The following ABCC3 variants were observed in gnomAD, a reference collection of about 807,000 sequenced individuals.
ABCC3 encodes ATP-binding cassette sub-family C member 3.
Under a neutral mutation model 165.3 loss-of-function variants are expected in ABCC3, and 121 were observed. That is an observed-to-expected ratio of 0.73 (90% confidence interval 0.63 to 0.85). The LOEUF (loss-of-function observed/expected upper bound fraction) is 0.85, where lower values mean the gene tolerates loss of function less well. Ranked by LOEUF, ABCC3 falls within the 40% of genes least tolerant of loss-of-function variation. The probability of loss-of-function intolerance (pLI) is 0.00; values close to 1 mark genes in which losing one functional copy is unlikely to be tolerated. For missense variants in ABCC3, 1,869 were observed against 1,964.1 expected (o/e 0.95, Z 0.92); for synonymous variants, 733 against 810.1 (o/e 0.90, Z 1.62).
Position 50,659,286 on chromosome 17 carries a change from T to G in ABCC3, c.724T>G (p.Ser242Ala). 6.2e-7 allele frequency: 1 copy of G among 1,613,732 alleles called. No homozygotes were observed. The highest frequency in any genetic ancestry group is 8.5e-7 in the Non-Finnish European group (1 of 1,179,828). ...TCCCCTGGAGGAGAAGGACCTCTGG[T>G]CCCTAAAGGAAGAGGACAGATCCCA... Reference protein sequence around the residue: ...RHPLEEKDLWSLKEEDRSQMV... With the variant: ...RHPLEEKDLWALKEEDRSQMV... The change falls in exon 7 of 31, where the codon TCC becomes GCC. Residue 242 changes from serine (S) to alanine (A), a missense_variant. Coordinates refer to ENST00000285238, the MANE Select transcript of ABCC3 (RefSeq NM_003786.4).
intron 1 of ABCC3, chr17:50,635,813 T>A: frequency 1.8e-6 from 1 of 567,882 alleles, no homozygotes; most frequent in Non-Finnish European, 3.2e-6. Context: ...AGCCCAGGAG[T>A]TTTAGATTAC....
chr17:50,683,997 TG>T lies in ABCC3; in HGVS notation c.4004del (p.Cys1335SerfsTer32). On this transcript the variant is annotated frameshift_variant, in exon 28 of 31. Transcript: ENST00000285238. LOFTEE classifies it high-confidence loss of function. ...GGCTGGCAAGTCTTCCATGACCCTT[TG>T]CCTGTTCCGCATCCTGGAGGCGGCA... is the stretch of plus-strand genomic sequence containing the variant. ...TGAGKSSMTLCLFRILEAAKG... is the reference protein window; with the variant it reads ...TGAGKSSMTLXLFRILEAAKG... The T allele has an allele frequency of 6.2e-7, 1 of 1,613,626 alleles. No individual in the cohort carries two copies. Among genetic ancestry groups the T allele is most frequent in the Non-Finnish European group, 8.5e-7 (1 of 1,179,824 alleles).
intron 7 of ABCC3, among the ~76,000 whole-genome samples, chr17:50,660,234 G>T (rs1316511687): frequency 2.0e-5 from 3 of 152,148 alleles, no homozygotes; most frequent in Non-Finnish European, 4.4e-5. Flanking sequence ...ATCTTCCCCT[G>T]AGGGGTCTTC....
chr17:50,651,194 C>G (rs1312203574), intron 1 of ABCC3, among the ~76,000 whole-genome samples: 5 of 151,626 alleles, frequency 3.3e-5, no homozygotes, highest in African/African-American at 1.2e-4. Flanking sequence ...ACCATAATGT[C>G]TAGAAGCATG....
At chr17:50,681,203 G>A (rs1967921948) in intron 26 of ABCC3, among the ~76,000 whole-genome samples, 2 of 152,074 alleles carry the variant, frequency 1.3e-5, no homozygotes, top group South Asian at 4.2e-4. Context: ...GAATTCTGTT[G>A]AATAATCTCT....
intron 3 of ABCC3, 56 bp from the exon 4 acceptor site, chr17:50,656,990 G>C: frequency 1.3e-6 from 2 of 1,573,314 alleles, no homozygotes; most frequent in African/African-American, 1.4e-5. Flanking sequence ...GGGGAGAAAT[G>C]GAGGCAGGTC....
chr17:50,642,001 A>G (rs1164163614), intron 1 of ABCC3, among the ~76,000 whole-genome samples: 1 of 152,074 alleles, frequency 6.6e-6, no homozygotes, highest in Non-Finnish European at 1.5e-5. Context: ...GGGGAAAAAA[A>G]AAAAAAAAGA....
intron 1 of ABCC3, among the ~76,000 whole-genome samples, chr17:50,636,342 A>AT (rs986870211): frequency 2.6e-5 from 4 of 151,930 alleles, no homozygotes; most frequent in East Asian, 1.9e-4. Flanking sequence ...CGTTATATGG[A>AT]TTTTTTGAAA....
chr17:50,655,140 C>G (rs2023907), intron 1 of ABCC3, among the ~76,000 whole-genome samples: 138,597 of 138,628 alleles, frequency 1, 69,284 homozygotes, highest in Non-Finnish European at 1. Context: ...CAGGCGCAGC[C>G]GTCACGCCTG....
At chr17:50,687,404 C>A in intron 29 of ABCC3, 132 bp from the exon 30 acceptor site, 1 of 834,192 alleles carries the variant, frequency 1.2e-6, no homozygotes, top group Non-Finnish European at 1.9e-6. Flanking sequence ...GAGGGCTGGG[C>A]TGTGGCAGAA....
At chr17:50,671,056 C>G (rs544034239) in intron 17 of ABCC3, among the ~76,000 whole-genome samples, 1 of 151,962 alleles carries the variant, frequency 6.6e-6, no homozygotes, top group Non-Finnish European at 1.5e-5. Context: ...GAGTTCAAGG[C>G]CAGCCTTGCT....
At chr17:50,673,980 C>CTTTCCTTCCTTCCTTTCTTTCTT (rs1967725765) in intron 19 of ABCC3, among the ~76,000 whole-genome samples, 1 of 9,412 alleles carries the variant, frequency 1.1e-4, no homozygotes, top group Admixed American at 1.3e-3. Context: ...TTCTTTCTTT[C>CTTTCCTTCCTTCCTTTCTTTCTT]TCTCTCTCTC....
Position 50,691,548 on chromosome 17 carries a change from G to A in ABCC3, c.*348G>A, listed in dbSNP as rs971550678. On this transcript the variant is annotated 3_prime_UTR_variant, in exon 31 of 31. Transcript: ENST00000285238. ...GATTTTTCATATTTTCTAAAGTTTC[G>A]TTTCTGTTTTTTAATAAAAAGCTTT... The A allele has an allele frequency of 2.0e-5, 4 of 198,708 alleles. No individual in the cohort carries two copies. The highest frequency in any genetic ancestry group is 1.3e-4 in the East Asian group (1 of 7,970). The allele number at this position is 198,708 out of a possible 1,614,324, so 12.3% of individuals were successfully genotyped here.
intron 4 of ABCC3, 127 bp downstream of exon 4, chr17:50,657,310 T>C: frequency 7.9e-7 from 1 of 1,265,128 alleles, no homozygotes; most frequent in East Asian, 2.4e-5. Context: ...AATTGTGTTG[T>C]TCTCCACTTG....
In ABCC3 at chr17:50,688,894, C is replaced by A. The variant is rs568559148; in HGVS notation, c.4475+1164C>A. On this transcript the variant is annotated intron_variant, in intron 30 of 30. Coordinates refer to ENST00000285238, the MANE Select transcript of ABCC3 (RefSeq NM_003786.4). ...CTCCAGTCTGAGTGACAGAGTGAGACGTTGTCTCAAAAAAAAAAAAAAATG... is the reference window on the plus strand; with the variant it reads ...CTCCAGTCTGAGTGACAGAGTGAGAAGTTGTCTCAAAAAAAAAAAAAAATG... Among the ~76,000 whole-genome samples the A allele has an allele frequency of 3.9e-3, 558 of 142,346 alleles. 2 individuals are homozygous for A. The highest frequency in any genetic ancestry group is 5.7e-3 in the Non-Finnish European group (371 of 65,144). 93.4% of individuals were successfully genotyped at this position (142,346 alleles called of 152,430 possible).
intron 26 of ABCC3, among the ~76,000 whole-genome samples, chr17:50,681,332 G>A (rs1341851931): frequency 1.3e-5 from 2 of 152,024 alleles, no homozygotes; most frequent in African/African-American, 2.4e-5. Context: ...CTTTAAACCC[G>A]CCTGTGTCTC....
chr17:50,661,025 G>C lies in ABCC3; in HGVS notation c.909G>C (p.Leu303=). The change falls in exon 8 of 31, where the codon CTG becomes CTC. Residue 303 remains leucine (L), a synonymous_variant. Transcript: ENST00000285238. ...RPRKPSFLKA[L]LATFGSSFLI... is the part of the protein sequence containing the mutation. ...GGAAGCCCTCCTTCCTGAAGGCCCT[G>C]CTGGCCACCTTCGGCTCCAGCTTCC... 2 of 1,614,182 alleles carry C rather than the reference G, an allele frequency of 1.2e-6. No homozygotes were observed. Among genetic ancestry groups the C allele is most frequent in the Non-Finnish European group, 1.7e-6 (2 of 1,180,020 alleles).
chr17:50,662,510 C>T (rs762946116), intron 8 of ABCC3, among the ~76,000 whole-genome samples: 6 of 151,946 alleles, frequency 3.9e-5, no homozygotes, highest in African/African-American at 1.2e-4. Flanking sequence ...TGGTGGCATA[C>T]GCCTAGAGTC....
At chr17:50,687,960 CT>C (rs779689378) in intron 30 of ABCC3, among the ~76,000 whole-genome samples, 291 of 144,470 alleles carry the variant, frequency 2.0e-3, no homozygotes, top group African/African-American at 3.0e-3. Context: ...TCTTCTTCTT[CT>C]TTTTTTTTTT....
Sources: gnomAD v4.1 joint callset for allele counts (sites outside exome capture counted in the v4.1 genomes callset) on GRCh38, gnomAD v4.1.1 for gene constraint, MANE v1.5 for transcripts, NCBI Gene and HGNC (gene_info 2026-07-23, HGNC 2026-07-21) for gene names.